CLEC16A: variants seen among roughly 807,000 people sequenced by gnomAD.
CLEC16A encodes the protein C-type lectin domain containing 16A.
CLEC16A carries 51 observed loss-of-function variants against 109.5 expected under a neutral mutation model. The ratio of observed to expected loss-of-function variants is 0.47; its 90% confidence interval spans 0.37 to 0.59. CLEC16A has a LOEUF of 0.59. CLEC16A is among the 20% of genes least tolerant of loss of function. The pLI, the probability that CLEC16A is intolerant of heterozygous loss-of-function variation, is 0.00. For missense variants in CLEC16A, 1,339 were observed against 1,394.0 expected (o/e 0.96, Z 0.63); for synonymous variants, 673 against 564.2 (o/e 1.19, Z -2.73).
At chr16:10,980,274 G>A (rs1266343404) in intron 9 of CLEC16A, among the ~76,000 whole-genome samples, 1 of 152,176 alleles carries the variant, frequency 6.6e-6, no homozygotes, top group Non-Finnish European at 1.5e-5. Flanking sequence ...ATCACTCACA[G>A]CCCAGAGTCC....
intron 3 of CLEC16A, among the ~76,000 whole-genome samples, chr16:10,968,304 C>T (rs1245862482): frequency 6.6e-6 from 1 of 152,216 alleles, no homozygotes; most frequent in South Asian, 2.1e-4. Context: ...TAGTTGATTT[C>T]AGTGGCAAAC....
At chr16:11,151,640 C>A (rs1296784137) in intron 22 of CLEC16A, among the ~76,000 whole-genome samples, 2 of 152,232 alleles carry the variant, frequency 1.3e-5, no homozygotes, top group Non-Finnish European at 2.9e-5. Flanking sequence ...AAATACTGGG[C>A]CCTCTGGGCC....
intron 8 of CLEC16A, among the ~76,000 whole-genome samples, chr16:10,977,845 GCTTTCCTTTC>G (rs886949909): frequency 6.6e-6 from 1 of 152,126 alleles, no homozygotes; most frequent in East Asian, 1.9e-4. Context: ...AAGCACACTG[GCTTTCCTTTC>G]CTTTCCTTTC....
intron 14 of CLEC16A, chr16:11,040,515 T>TTTTTTTC (rs1567231371): frequency 6.6e-5 from 2 of 30,158 alleles, no homozygotes; most frequent in African/African-American, 1.4e-3. Flanking sequence ...TTTTCTTTTC[T>TTTTTTTC]TTTTTTTTTT....
At chr16:11,021,643 A>T (rs1203680759) in intron 12 of CLEC16A, among the ~76,000 whole-genome samples, 1 of 152,172 alleles carries the variant, frequency 6.6e-6, no homozygotes. Flanking sequence ...CGAAAATATT[A>T]AAAAATTAGC....
intron 10 of CLEC16A, among the ~76,000 whole-genome samples, chr16:10,986,810 C>T (rs572119889): frequency 1.1e-4 from 16 of 145,690 alleles, no homozygotes; most frequent in African/African-American, 3.6e-4. Context: ...TCCATTTATC[C>T]ATCATTATGC....
At chr16:10,945,824 T>G (rs979135296) in intron 1 of CLEC16A, among the ~76,000 whole-genome samples, 1 of 152,214 alleles carries the variant, frequency 6.6e-6, no homozygotes, top group African/African-American at 2.4e-5. Context: ...TTTCATTGAG[T>G]GCTTCTCCAC....
At chr16:11,170,813 C>CA (rs1342819518) in intron 23 of CLEC16A, among the ~76,000 whole-genome samples, 1 of 152,232 alleles carries the variant, frequency 6.6e-6, no homozygotes, top group Non-Finnish European at 1.5e-5. Context: ...TGAGGCCTAT[C>CA]AGGTGGCCAC....
At chr16:10,995,525 A>G (rs575726652) in intron 10 of CLEC16A, among the ~76,000 whole-genome samples, 10 of 152,132 alleles carry the variant, frequency 6.6e-5, no homozygotes, top group Non-Finnish European at 1.0e-4. Flanking sequence ...ATAGAACATG[A>G]CTGTTCTTTA....
At chr16:10,996,254 A>AGTGT (rs2044322139) in intron 10 of CLEC16A, among the ~76,000 whole-genome samples, 3 of 152,220 alleles carry the variant, frequency 2.0e-5, no homozygotes, top group African/African-American at 7.2e-5. Context: ...TGTGAGCAGC[A>AGTGT]CGGGCTAGTG....
chr16:10,967,048 C>G (rs2042545600), intron 3 of CLEC16A, among the ~76,000 whole-genome samples: 1 of 152,146 alleles, frequency 6.6e-6, no homozygotes, highest in African/African-American at 2.4e-5. Context: ...AGCACTGCCT[C>G]AGTAGTGTTA....
intron 10 of CLEC16A, among the ~76,000 whole-genome samples, chr16:10,989,857 C>G (rs114929302): frequency 6.6e-6 from 1 of 152,194 alleles, no homozygotes; most frequent in Admixed American, 6.5e-5. Flanking sequence ...GACTTAGCTC[C>G]CCTGGTCGCT....
At chr16:11,051,253 A>T (rs1026363647) in intron 17 of CLEC16A, among the ~76,000 whole-genome samples, 22 of 152,230 alleles carry the variant, frequency 1.4e-4, no homozygotes, top group African/African-American at 5.1e-4. Flanking sequence ...CAAGCTTTTC[A>T]CAGCAAGGAT....
chr16:10,984,391 G>C (rs1329897286), intron 10 of CLEC16A, among the ~76,000 whole-genome samples: 1 of 152,160 alleles, frequency 6.6e-6, no homozygotes, highest in East Asian at 1.9e-4. Flanking sequence ...TCCCTTTCTT[G>C]ATTCATTCAG....
intron 19 of CLEC16A, among the ~76,000 whole-genome samples, chr16:11,087,877 C>G (rs1230029160): frequency 6.6e-6 from 1 of 152,216 alleles, no homozygotes; most frequent in Non-Finnish European, 1.5e-5. Context: ...GGAGGCCTAC[C>G]CAGTTTGAGG....
At chr16:11,093,804 A>G (rs892654727) in intron 19 of CLEC16A, among the ~76,000 whole-genome samples, 3 of 152,198 alleles carry the variant, frequency 2.0e-5, no homozygotes, top group Non-Finnish European at 4.4e-5. Flanking sequence ...GAGCAGCTCC[A>G]GGAAGCCCAC....
chr16:11,126,340 C>T, intron 22 of CLEC16A, 194 bp downstream of exon 22: 7 of 1,474,528 alleles, frequency 4.7e-6, no homozygotes, highest in Non-Finnish European at 4.5e-6. Flanking sequence ...TTGGCTTTCC[C>T]TTTAGTGTTT....
At chr16:11,144,430 T>C (rs1160979739) in intron 22 of CLEC16A, among the ~76,000 whole-genome samples, 1 of 151,898 alleles carries the variant, frequency 6.6e-6, no homozygotes, top group Non-Finnish European at 1.5e-5. Context: ...GACAGCCAAC[T>C]AGATGATCAG....
chr16:10,976,061 T>C (rs1253024202), intron 7 of CLEC16A, among the ~76,000 whole-genome samples: 2 of 152,180 alleles, frequency 1.3e-5, no homozygotes, highest in Admixed American at 1.3e-4. Context: ...GTCCAGGAGT[T>C]TGAGACCAGC....
Sources: gnomAD v4.1 joint callset for allele counts (sites outside exome capture counted in the v4.1 genomes callset) on GRCh38, gnomAD v4.1.1 for gene constraint, MANE v1.5 for transcripts, NCBI Gene and HGNC (gene_info 2026-07-23, HGNC 2026-07-21) for gene names.